Variants in AOPEP observed in about 807,000 individuals in gnomAD.
The protein encoded by AOPEP is aminopeptidase O (putative), also known as aminopeptidase O.
In AOPEP, 77 loss-of-function variants were observed where a neutral mutation model predicts 98.1. That is an observed-to-expected ratio of 0.78 (90% confidence interval 0.65 to 0.95). The LOEUF (loss-of-function observed/expected upper bound fraction) is 0.95. Among genes scored for constraint, AOPEP ranks in the 40% least tolerant of loss-of-function variants. The probability of loss-of-function intolerance (pLI) is 0.00; values close to 1 mark genes in which losing one functional copy is unlikely to be tolerated. For synonymous variants in AOPEP, 346 were observed against 365.3 expected (o/e 0.95, Z 0.60); for missense variants, 1,024 against 1,024.7 (o/e 1.00, Z 0.01).
In AOPEP at chr9:94,760,487, A is replaced by G; in HGVS notation, c.704A>G (p.Gln235Arg). 2 of 1,612,412 alleles carry G rather than the reference A, an allele frequency of 1.2e-6. No individual in the cohort carries two copies. Among genetic ancestry groups the G allele is most frequent in the Non-Finnish European group, 1.7e-6 (2 of 1,179,468 alleles). The change falls in exon 2 of 17, where the codon CAG (glutamine) becomes CGG (arginine). Residue 235 changes from glutamine (Q) to arginine (R), a missense_variant. Coordinates refer to ENST00000375315, the MANE Select transcript of AOPEP (RefSeq NM_001193329.3). Reference sequence around the variant, plus strand: ...TTGCAGATAAGGAAGACAGGGGCTCAGACAGCTACTGACTTTCCTCATGCT... The same window carrying G: ...TTGCAGATAAGGAAGACAGGGGCTCGGACAGCTACTGACTTTCCTCATGCT... ...WSLQIRKTGA[Q>R]TATDFPHAIR... is the part of the protein sequence containing the mutation.
Position 94,792,685 on chromosome 9 carries a change from A to G in AOPEP, c.965-80A>G, listed in dbSNP as rs112079838. 7.8e-5 allele frequency: 103 copies of G among 1,323,208 alleles called. 2 individuals carry two copies. The African/African-American group carries it at 1.0e-3, about 13-fold the overall frequency. 82.0% of individuals were successfully genotyped at this position (1,323,208 alleles called of 1,614,324 possible). A position where few individuals can be genotyped will look rare whatever the true frequency, so the allele number is the denominator to read the frequency against. ...ACCAGCTTATCACAAAAGCTCTTCA[A>G]GTGCCTCGAGAAGAAATTATACAGC... On this transcript the variant is annotated intron_variant, in intron 3 of 16. Coordinates refer to ENST00000375315, the MANE Select transcript of AOPEP (RefSeq NM_001193329.3).
the AOPEP span, among the ~76,000 whole-genome samples, chr9:95,138,792 C>CGACCCATCCTGCTTAGCATAGTCACTCAA: frequency 5.3e-5 from 8 of 152,184 alleles, no homozygotes; most frequent in Admixed American, 5.2e-4. Flanking sequence ...AATGAAGAAC[C>CGACCCATCCTGCTTAGCATAGTCACTCAA]GACCCATCCT....
intron 5 of AOPEP, among the ~76,000 whole-genome samples, chr9:94,841,240 C>T (rs1214561941): frequency 6.7e-6 from 1 of 150,038 alleles, no homozygotes; most frequent in Non-Finnish European, 1.5e-5. Context: ...GGTGCGATCT[C>T]AGCTTACTGC....
chr9:94,827,350 T>C (rs184032988), intron 5 of AOPEP, among the ~76,000 whole-genome samples: 1 of 152,312 alleles, frequency 6.6e-6, no homozygotes, highest in Admixed American at 6.5e-5. Context: ...GAGGCTTGGG[T>C]CATAGGATTT....
intron 5 of AOPEP, among the ~76,000 whole-genome samples, chr9:94,873,155 C>T (rs1383988415): frequency 1.3e-5 from 2 of 152,102 alleles, no homozygotes; most frequent in Non-Finnish European, 2.9e-5. Context: ...AATGAATCAC[C>T]TAATTAATGG....
At position 94,773,147 on chromosome 9, in the gene AOPEP, A is replaced by G. The variant is rs1364950518; in HGVS notation, c.943A>G (p.Lys315Glu). The change falls in exon 3 of 17, where the codon AAA becomes GAA. Residue 315 changes from lysine (K) to glutamate (E), a missense_variant. This residue lies in a region of AOPEP where 440 missense variants were observed against 433.8 expected (regional missense o/e 1.01). Coordinates refer to ENST00000375315, the MANE Select transcript of AOPEP (RefSeq NM_001193329.3). ...TTTAATGAGTGGGGAAAATTCTGCC[A>G]AACCAACGCAGCTTTGGGAAGGTAC... ...VVLMSGENSA[K>E]PTQLWEECSS... 3.1e-6 allele frequency: 5 copies of G among 1,614,082 alleles called. No individual in the cohort carries two copies. In the South Asian group the frequency reaches 5.5e-5, roughly 18 times the overall value.
the AOPEP span, among the ~76,000 whole-genome samples, chr9:95,134,267 A>C: frequency 6.6e-6 from 1 of 152,204 alleles, no homozygotes; most frequent in African/African-American, 2.4e-5. Context: ...AGAAAGAGAA[A>C]GAAAGAACAC....
Position 95,070,400 on chromosome 9 carries a change from T to G in AOPEP, c.2232+9590T>G, listed in dbSNP as rs145281073. On this transcript the variant is annotated intron_variant, in intron 14 of 16. Coordinates refer to ENST00000375315, the MANE Select transcript of AOPEP (RefSeq NM_001193329.3). ...AATGGGCTTCCCAGATCATGTTCCC[T>G]GGACAGATTTTTTTTTTCCTTCTTC... Among the ~76,000 whole-genome samples, 2 of 152,326 alleles carry G rather than the reference T, an allele frequency of 1.3e-5. 1 individual carries two copies. Among genetic ancestry groups the G allele is most frequent in the Non-Finnish European group, 2.9e-5 (2 of 68,026 alleles).
chr9:95,111,863 G>A, the AOPEP span, among the ~76,000 whole-genome samples: 1 of 152,190 alleles, frequency 6.6e-6, no homozygotes, highest in Non-Finnish European at 1.5e-5. Flanking sequence ...GAGGCCTGAG[G>A]CCTTTGGACA....
chr9:94,834,959 A>G (rs1396446878), intron 5 of AOPEP, among the ~76,000 whole-genome samples: 1 of 152,200 alleles, frequency 6.6e-6, no homozygotes, highest in African/African-American at 2.4e-5. Context: ...CAAATGTCAG[A>G]ATGGGAAATT....
At chr9:94,763,071 A>G in intron 2 of AOPEP, 3 of 434,034 alleles carry the variant, frequency 6.9e-6, no homozygotes, top group South Asian at 5.3e-5. Context: ...ATTATCAGTT[A>G]TACCCGCTCT....
At chr9:94,969,677 G>T (rs2059421672) in intron 10 of AOPEP, among the ~76,000 whole-genome samples, 1 of 152,224 alleles carries the variant, frequency 6.6e-6, no homozygotes, top group Admixed American at 6.5e-5. Flanking sequence ...AAAGTGCTGG[G>T]ATTACAGGCG....
At chr9:95,028,181 G>A (rs1369481382) in intron 13 of AOPEP, among the ~76,000 whole-genome samples, 1 of 152,156 alleles carries the variant, frequency 6.6e-6, no homozygotes, top group Non-Finnish European at 1.5e-5. Context: ...ATTTTCTTAG[G>A]GTCTGATATC....
chr9:94,887,217 A>G (rs1481963743), intron 5 of AOPEP, among the ~76,000 whole-genome samples: 1 of 152,042 alleles, frequency 6.6e-6, no homozygotes, highest in East Asian at 1.9e-4. Flanking sequence ...GTATGGTGGC[A>G]TGCACCTGTA....
At chr9:94,822,511 C>T (rs1853472821) in intron 5 of AOPEP, among the ~76,000 whole-genome samples, 1 of 152,204 alleles carries the variant, frequency 6.6e-6, no homozygotes, top group African/African-American at 2.4e-5. Context: ...GAATAATGCA[C>T]TGTTGTTTAT....
chr9:94,892,438 C>G (rs2048983510), intron 5 of AOPEP, among the ~76,000 whole-genome samples: 1 of 152,184 alleles, frequency 6.6e-6, no homozygotes, highest in African/African-American at 2.4e-5. Flanking sequence ...CAAGTTCACT[C>G]AAAACACCCA....
intron 13 of AOPEP, among the ~76,000 whole-genome samples, chr9:95,039,222 G>C (rs1221572674): frequency 1.3e-5 from 2 of 152,116 alleles, no homozygotes. Flanking sequence ...CCAAAGAAAA[G>C]TAGTATTGTG....
intron 3 of AOPEP, among the ~76,000 whole-genome samples, chr9:94,784,091 G>A (rs542361994): frequency 1.3e-5 from 2 of 152,302 alleles, no homozygotes; most frequent in East Asian, 3.9e-4. Context: ...GTTTTAATTT[G>A]CAGTGAAAAC....
the AOPEP span, among the ~76,000 whole-genome samples, chr9:95,138,620 C>A: frequency 6.6e-6 from 1 of 152,214 alleles, no homozygotes; most frequent in Non-Finnish European, 1.5e-5. Context: ...CTGTATGTCA[C>A]TGGAAAGGCG....
Sources: gnomAD v4.1 joint callset for allele counts (sites outside exome capture counted in the v4.1 genomes callset) on GRCh38, gnomAD v4.1.1 for gene constraint, gnomAD v4.1.1 regional missense constraint, MANE v1.5 for transcripts, NCBI Gene and HGNC (gene_info 2026-07-23, HGNC 2026-07-21) for gene names.